The following RUNX2 variants were observed in gnomAD, a reference collection of about 807,000 sequenced individuals.
RUNX2 encodes the protein runt-related transcription factor 2.
A neutral mutation model predicts 51.7 loss-of-function variants in RUNX2; 10 were observed. The observed-to-expected ratio is 0.19, with a 90% CI of 0.12 to 0.33. RUNX2 has a LOEUF of 0.33. Ranked by LOEUF, RUNX2 falls within the 10% of genes least tolerant of loss-of-function variation. The pLI is 1.00. For synonymous variants in RUNX2, 276 were observed against 273.6 expected (o/e 1.01, Z -0.09); for missense variants, 562 against 691.3 (o/e 0.81, Z 2.10).
At chr6:45,354,068 C>T (rs1274749778) in intron 2 of RUNX2, among the ~76,000 whole-genome samples, 3 of 152,032 alleles carry the variant, frequency 2.0e-5, no homozygotes, top group Admixed American at 6.6e-5. Context: ...GAGGGAGGTG[C>T]TCTCATAACT....
chr6:45,537,519 T>C (rs1003746911), intron 7 of RUNX2, among the ~76,000 whole-genome samples: 6 of 152,220 alleles, frequency 3.9e-5, no homozygotes, highest in African/African-American at 7.2e-5. Context: ...GAGGATTTAA[T>C]GACAAAATGG....
chr6:45,496,043 T>G (rs1417739811), intron 6 of RUNX2, among the ~76,000 whole-genome samples: 1 of 152,130 alleles, frequency 6.6e-6, no homozygotes, highest in African/African-American at 2.4e-5. Flanking sequence ...AGACCTCTTA[T>G]CATTCAGACA....
At chr6:45,397,524 C>T (rs1039154883) in intron 2 of RUNX2, among the ~76,000 whole-genome samples, 2 of 152,140 alleles carry the variant, frequency 1.3e-5, no homozygotes, top group East Asian at 3.8e-4. Flanking sequence ...AGCATCCTTG[C>T]TAACATTTGT....
intron 7 of RUNX2, among the ~76,000 whole-genome samples, chr6:45,534,921 G>A (rs531373234): frequency 6.6e-6 from 1 of 152,186 alleles, no homozygotes; most frequent in African/African-American, 2.4e-5. Context: ...CCATAAAAAA[G>A]AAAGATCATG....
At chr6:45,408,533 A>G (rs559325266) in intron 2 of RUNX2, among the ~76,000 whole-genome samples, 6 of 152,252 alleles carry the variant, frequency 3.9e-5, no homozygotes, top group Admixed American at 2.6e-4. Context: ...AAAGTCACTG[A>G]ATCAAATGTC....
intron 2 of RUNX2, among the ~76,000 whole-genome samples, chr6:45,356,518 C>T (rs550465161): frequency 6.6e-6 from 1 of 152,210 alleles, no homozygotes; most frequent in African/African-American, 2.4e-5. Flanking sequence ...CTGCCTCAGC[C>T]TCCTGAGTAG....
At position 45,545,283 on chromosome 6, in the gene RUNX2, G is replaced by A. The variant is rs1380048669; in HGVS notation, c.1087+1G>A. ...ACTCTCAGTAAGAAGAGCCAGGCAG[G>A]TGAGACTTTTAACAATTGCTGGGCT... On this transcript the variant is annotated splice_donor_variant, in intron 8 of 8. Coordinates refer to ENST00000647337, the MANE Select transcript of RUNX2 (RefSeq NM_001024630.4). LOFTEE classifies it high-confidence loss of function. The A allele has an allele frequency of 1.3e-6, 2 of 1,547,528 alleles. No individual in the cohort carries two copies. Among genetic ancestry groups the A allele is most frequent in the African/African-American group, 1.4e-5 (1 of 72,938 alleles).
intron 5 of RUNX2, among the ~76,000 whole-genome samples, chr6:45,452,376 G>C (rs1055706278): frequency 6.6e-6 from 1 of 152,214 alleles, no homozygotes; most frequent in Admixed American, 6.5e-5. Flanking sequence ...GTGAAGTTGA[G>C]CAGAGCAAGT....
chr6:45,480,975 A>G (rs1341488939), intron 5 of RUNX2, among the ~76,000 whole-genome samples: 1 of 152,202 alleles, frequency 6.6e-6, no homozygotes, highest in Non-Finnish European at 1.5e-5. Context: ...CTGTTACAGA[A>G]ATGAGAAAAT....
At position 45,547,353 on chromosome 6, in the gene RUNX2, G is replaced by C; in HGVS notation, c.*48G>C. Reference sequence around the variant, plus strand: ...GGTATCTGGGGGCCACATCCCACACGTATCAATATATACATATATAGAGAG... The same window carrying C: ...GGTATCTGGGGGCCACATCCCACACCTATCAATATATACATATATAGAGAG... On this transcript the variant is annotated 3_prime_UTR_variant, in exon 9 of 9. Transcript: ENST00000647337. The C allele has an allele frequency of 7.4e-7, 1 of 1,342,890 alleles. No homozygotes were observed. Among genetic ancestry groups the C allele is most frequent in the Non-Finnish European group, 1.1e-6 (1 of 934,704 alleles). 83.2% of individuals were successfully genotyped at this position (1,342,890 alleles called of 1,614,324 possible).
intron 5 of RUNX2, among the ~76,000 whole-genome samples, chr6:45,445,618 G>A (rs550455195): frequency 6.6e-6 from 1 of 152,216 alleles, no homozygotes; most frequent in East Asian, 1.9e-4. Flanking sequence ...CACTGTCTCC[G>A]AAGTGCCCAA....
intron 2 of RUNX2, among the ~76,000 whole-genome samples, chr6:45,388,413 G>C (rs1227642984): frequency 2.6e-5 from 4 of 152,220 alleles, no homozygotes; most frequent in African/African-American, 4.8e-5. Flanking sequence ...GCATACAGCA[G>C]TGGCTTTAAA....
At chr6:45,393,203 A>T (rs776990762) in intron 2 of RUNX2, among the ~76,000 whole-genome samples, 16 of 151,992 alleles carry the variant, frequency 1.1e-4, no homozygotes, top group Non-Finnish European at 2.2e-4. Context: ...TCTGGTTCTG[A>T]TGCTTTGTCT....
At chr6:45,432,328 T>A (rs1338566598) in intron 4 of RUNX2, among the ~76,000 whole-genome samples, 3 of 152,180 alleles carry the variant, frequency 2.0e-5, no homozygotes, top group Non-Finnish European at 4.4e-5. Context: ...AGGAGTCAAA[T>A]AACTGAGTAA....
chr6:45,399,190 A>G (rs1797645184), intron 2 of RUNX2, among the ~76,000 whole-genome samples: 2 of 151,772 alleles, frequency 1.3e-5, no homozygotes, highest in Admixed American at 1.3e-4. Flanking sequence ...CTGTATTTCT[A>G]CTAATGAATA....
Position 45,485,350 on chromosome 6 carries a change from G to A in RUNX2, c.686-6591G>A, listed in dbSNP as rs142893366. 2.8e-3 allele frequency among the ~76,000 whole-genome samples: 425 copies of A among 151,902 alleles called. 7 individuals are homozygous for A. The highest frequency in any genetic ancestry group is 5.0e-4 in the Non-Finnish European group (34 of 67,932). On this transcript the variant is annotated intron_variant, in intron 5 of 8. Transcript: ENST00000647337. ...CCCGAGTAGCTGGGATTACAGGCAT[G>A]TGCCATCACGCCTGGCTAATTTCAT...
At chr6:45,405,651 G>A (rs907853047) in intron 2 of RUNX2, among the ~76,000 whole-genome samples, 1 of 152,152 alleles carries the variant, frequency 6.6e-6, no homozygotes, top group Non-Finnish European at 1.5e-5. Flanking sequence ...TAGCCGGGCG[G>A]TGGTGGGCGC....
At position 45,491,677 on chromosome 6, in the gene RUNX2, C is replaced by T. The variant is rs55930938; in HGVS notation, c.686-264C>T. Among the ~76,000 whole-genome samples the T allele has an allele frequency of 0.048, 6,944 of 143,718 alleles. 184 individuals are homozygous for T. Among genetic ancestry groups the T allele is most frequent in the African/African-American group, 0.064 (2,456 of 38,200 alleles). The allele number at this position is 143,718 out of a possible 152,430, so 94.3% of individuals were successfully genotyped here. A position where few individuals can be genotyped will look rare whatever the true frequency, so the allele number is the denominator to read the frequency against. On this transcript the variant is annotated intron_variant, in intron 5 of 8. Coordinates refer to ENST00000647337, the MANE Select transcript of RUNX2 (RefSeq NM_001024630.4). ...AGGGCCAGAGAAGGTGTCTAGTATC[C>T]TGCCTCTCTATTGATGCTTGACTTC...
intron 4 of RUNX2, among the ~76,000 whole-genome samples, chr6:45,436,254 C>T (rs1180507387): frequency 6.6e-6 from 1 of 151,226 alleles, no homozygotes; most frequent in Non-Finnish European, 1.5e-5. Flanking sequence ...TTTTAAATGG[C>T]AAGTGATCAA....
Sources: gnomAD v4.1 joint callset for allele counts (sites outside exome capture counted in the v4.1 genomes callset) on GRCh38, gnomAD v4.1.1 for gene constraint, MANE v1.5 for transcripts, NCBI Gene and HGNC (gene_info 2026-07-23, HGNC 2026-07-21) for gene names.